The following HGS variants were observed in gnomAD, a reference collection of about 807,000 sequenced individuals.
The protein encoded by HGS is human growth factor-regulated tyrosine kinase substrate.
HGS carries 63 observed loss-of-function variants against 109.7 expected under a neutral mutation model. The ratio of observed to expected loss-of-function variants is 0.57; its 90% CI spans 0.47 to 0.71. The LOEUF (loss-of-function observed/expected upper bound fraction) is 0.71. HGS is among the 30% of genes least tolerant of loss of function. HGS has a pLI of 0.00. For missense variants in HGS, 995 were observed against 1,068.3 expected, an observed-to-expected ratio of 0.93 and a Z score of 0.96; for synonymous variants, 546 against 437.3, an observed-to-expected ratio of 1.25 and a Z score of -3.10.
Position 81,697,017 on chromosome 17 carries a change from A to G in HGS, c.1882+19A>G. 1 of 1,541,912 alleles carries G rather than the reference A, an allele frequency of 6.5e-7. No homozygotes were observed. The highest frequency in any genetic ancestry group is 8.7e-7 in the Non-Finnish European group (1 of 1,146,684). On this transcript the variant is annotated intron_variant, in intron 18 of 21. Transcript: ENST00000329138. ...GCGGCTGGTAAGGACGGGTCGGGGC[A>G]GAGACCATGCCTTTTATCCCTCGTC...
At position 81,693,773 on chromosome 17, in the gene HGS, C is replaced by T. The variant is rs759582659; in HGVS notation, c.840+21C>T. 42 of 1,536,134 alleles carry T rather than the reference C, an allele frequency of 2.7e-5. No homozygotes were observed. The South Asian group carries it at 2.8e-4, about 10-fold the overall frequency. On this transcript the variant is annotated intron_variant, in intron 10 of 21. Transcript: ENST00000329138. Reference sequence around the variant, plus strand: ...GGCTGGTAAGCCGGGTGGGGCGGGGCGGCCTCAGGAGGGGCCCAGCTCCCC... The same window carrying T: ...GGCTGGTAAGCCGGGTGGGGCGGGGTGGCCTCAGGAGGGGCCCAGCTCCCC...
intron 7 of HGS, 95 bp downstream of exon 7, chr17:81,690,837 G>T: frequency 1.8e-6 from 2 of 1,139,718 alleles, no homozygotes; most frequent in East Asian, 2.4e-5. Context: ...TTTCCTTCCT[G>T]GTGGGTGGTT....
Position 81,684,070 on chromosome 17 carries a change from G to C in HGS, c.4G>C (p.Gly2Arg). Residue 2 changes from glycine (G) to arginine (R), a missense_variant, in exon 1 of 22, where the codon GGG becomes CGG. Physicochemically the swap from Gly to Arg is moderately radical, Grantham distance 125. This residue lies in a region of HGS where 23 missense variants were observed against 25.4 expected (regional missense o/e 0.91). Transcript: ENST00000329138. ...CGGGTTTGGGCTGGAGGTCGCCATG[G>C]GGCGAGGCAGCGGCACCTTCGAGCG... M[G>R]RGSGTFERLL... The C allele has an allele frequency of 6.3e-7, 1 of 1,594,418 alleles. No individual in the cohort carries two copies. The highest frequency in any genetic ancestry group is 1.3e-5 in the African/African-American group (1 of 74,642).
At chr17:81,684,983 T>C (rs1476881333) in intron 1 of HGS, 1 of 985,220 alleles carries the variant, frequency 1.0e-6, no homozygotes, top group East Asian at 1.1e-4. Flanking sequence ...CGTTTCTGTA[T>C]CCGGGAAAGG....
At position 81,701,525 on chromosome 17, in the gene HGS, T is replaced by TCC; in HGVS notation, c.2247_2248dup (p.Gln750ProfsTer51). 6.4e-7 allele frequency: 1 copy of TCC among 1,557,884 alleles called. No homozygotes were observed. On this transcript the variant is annotated frameshift_variant, in exon 22 of 22. Transcript: ENST00000329138. LOFTEE classifies it high-confidence loss of function. ...CTGCACAGATGGCACCCTCTGGCGGTCCCCCCCAGCAGCAGCCCCCCGTGG... is the reference window on the plus strand; with the variant it reads ...CTGCACAGATGGCACCCTCTGGCGGTCCCCCCCCCAGCAGCAGCCCCCCGTGG...
chr17:81,686,366 C>T lies in HGS; in HGVS notation c.177C>T (p.His59=), dbSNP rs1322944543. The T allele has an allele frequency of 2.0e-5, 32 of 1,613,550 alleles. No homozygotes were observed. Among genetic ancestry groups the T allele is most frequent in the Non-Finnish European group, 2.4e-5 (28 of 1,179,960 alleles). The change falls in exon 3 of 22, where the codon CAC becomes CAT. Residue 59 remains histidine (H), a synonymous_variant. Transcript: ENST00000329138. Reference sequence around the variant, plus strand: ...AGAAAGTCAACGACAAGAACCCACACGTCGCCTTGTATGCCCTGGAGGTAA... The same window carrying T: ...AGAAAGTCAACGACAAGAACCCACATGTCGCCTTGTATGCCCTGGAGGTAA... ...IKKKVNDKNP[H]VALYALEVME... is the part of the protein sequence containing the mutation.
Position 81,697,011 on chromosome 17 carries a change from C to T in HGS, c.1882+13C>T, listed in dbSNP as rs747755776. 6.2e-5 allele frequency: 96 copies of T among 1,556,132 alleles called. No individual in the cohort carries two copies. The highest frequency in any genetic ancestry group is 6.8e-5 in the South Asian group (6 of 88,018). On this transcript the variant is annotated intron_variant, in intron 18 of 21. Coordinates refer to ENST00000329138, the MANE Select transcript of HGS (RefSeq NM_004712.5). Reference sequence around the variant, plus strand: ...AGCACTGCGGCTGGTAAGGACGGGTCGGGGCAGAGACCATGCCTTTTATCC... The same window carrying T: ...AGCACTGCGGCTGGTAAGGACGGGTTGGGGCAGAGACCATGCCTTTTATCC...
intron 15 of HGS, 73 bp downstream of exon 15, chr17:81,696,072 T>A: frequency 7.6e-7 from 1 of 1,323,896 alleles, no homozygotes; most frequent in South Asian, 1.4e-5. Flanking sequence ...GGCCAGGGCC[T>A]CCCCTGAGGG....
chr17:81,689,705 C>T (rs1163490684), intron 5 of HGS, among the ~76,000 whole-genome samples: 3 of 152,188 alleles, frequency 2.0e-5, no homozygotes, highest in Non-Finnish European at 4.4e-5. Flanking sequence ...GGGAAGAACG[C>T]AGGGGGCGCT....
Position 81,701,751 on chromosome 17 carries a change from T to C in HGS, c.*133T>C. 2 of 1,329,388 alleles carry C rather than the reference T, an allele frequency of 1.5e-6. No homozygotes were observed. The highest frequency in any genetic ancestry group is 2.0e-6 in the Non-Finnish European group (2 of 999,426). The allele number at this position is 1,329,388 out of a possible 1,614,324, so 82.3% of individuals were successfully genotyped here. A position where few individuals can be genotyped will look rare whatever the true frequency, so the allele number is the denominator to read the frequency against. The stretch of plus-strand genomic sequence containing the variant: ...CCTTCTCTGCGAGTGAGGGGGGGCC[T>C]TCACCCCAAGCCCACCTCCCTTGTC... On this transcript the variant is annotated 3_prime_UTR_variant, in exon 22 of 22. Coordinates refer to ENST00000329138, the MANE Select transcript of HGS (RefSeq NM_004712.5).
intron 15 of HGS, 58 bp from the exon 16 acceptor site, chr17:81,696,299 C>T (rs2037146321): frequency 6.8e-7 from 1 of 1,471,346 alleles, no homozygotes; most frequent in Non-Finnish European, 9.0e-7. Context: ...CCGTTCCACC[C>T]AGGAGCTTCT....
chr17:81,694,784 C>T (rs1254552818), intron 11 of HGS, 31 bp from the exon 12 acceptor site: 1 of 1,614,194 alleles, frequency 6.2e-7, no homozygotes, highest in Non-Finnish European at 8.5e-7. Context: ...GCTCTGTCAC[C>T]TGTGAGACTC....
intron 1 of HGS, among the ~76,000 whole-genome samples, chr17:81,684,730 C>G (rs1471581426): frequency 6.6e-6 from 1 of 152,132 alleles, no homozygotes; most frequent in African/African-American, 2.4e-5. Flanking sequence ...TGCCCAGCAG[C>G]ACGTGGAAAA....
chr17:81,686,229 C>G, intron 2 of HGS, 83 bp from the exon 3 acceptor site: 1 of 1,139,972 alleles, frequency 8.8e-7, no homozygotes, highest in East Asian at 2.5e-5. Flanking sequence ...CTGCACCTGG[C>G]AGCAGATGAG....
intron 1 of HGS, chr17:81,685,078 G>C (rs1310116904): frequency 1.0e-6 from 1 of 985,296 alleles, no homozygotes; most frequent in African/African-American, 1.7e-5. Flanking sequence ...AGGTATGCTG[G>C]CGAGTCCTCC....
chr17:81,691,467 G>C lies in HGS; in HGVS notation c.558G>C (p.Gly186=). Residue 186 remains glycine, a synonymous_variant, in exon 8 of 22, where the codon GGG becomes GGC. Coordinates refer to ENST00000329138, the MANE Select transcript of HGS (RefSeq NM_004712.5). The surrounding 1 kb of genome is among the most constrained non-coding windows in gnomAD (Gnocchi z 5.3). ...TACAGCACCACTGCCGGGCGTGTGG[G>C]CAGATATTCTGTGGAAAGTGTTCTT... ...MTRKHHCRAC[G]QIFCGKCSSK... is the part of the protein sequence containing the mutation. The C allele has an allele frequency of 6.2e-7, 1 of 1,614,126 alleles. No homozygotes were observed. The highest frequency in any genetic ancestry group is 8.5e-7 in the Non-Finnish European group (1 of 1,180,004).
intron 4 of HGS, among the ~76,000 whole-genome samples, chr17:81,687,544 G>A (rs773500587): frequency 6.6e-6 from 1 of 152,196 alleles, no homozygotes. Context: ...TTGTAAGATC[G>A]GATGTGTCTG....
At chr17:81,684,814 G>C (rs549733305) in intron 1 of HGS, 7 of 779,918 alleles carry the variant, frequency 9.0e-6, no homozygotes, top group African/African-American at 5.7e-5. Context: ...GTCAAGTAGG[G>C]TTTTCAAGGA....
chr17:81,695,139 G>GCC, intron 13 of HGS, 25 bp from the exon 14 acceptor site: 1 of 1,613,912 alleles, frequency 6.2e-7, no homozygotes, highest in Non-Finnish European at 8.5e-7. Flanking sequence ...CAGGTTGGAG[G>GCC]CCCCACTCAT....
Sources: allele counts gnomAD v4.1 joint callset (sites outside exome capture counted in the v4.1 genomes callset), GRCh38; gene constraint gnomAD v4.1.1; regional missense constraint gnomAD v4.1.1; non-coding constraint Gnocchi (gnomAD v3.1); transcripts MANE v1.5; gene names NCBI Gene and HGNC (gene_info 2026-07-23, HGNC 2026-07-21).